The following OXR1 variants were observed in gnomAD, a reference collection of about 807,000 sequenced individuals.
OXR1 encodes oxidation resistance protein 1.
Under a neutral mutation model 104.6 loss-of-function variants are expected in OXR1, and 41 were observed. That is an observed-to-expected ratio of 0.39 (90% CI 0.31 to 0.51). The LOEUF (loss-of-function observed/expected upper bound fraction) is 0.51. Among genes scored for constraint, OXR1 ranks in the 20% least tolerant of loss-of-function variants. The pLI, the probability that OXR1 is intolerant of heterozygous loss-of-function variation, is 0.77. For synonymous variants in OXR1, 348 were observed against 348.4 expected, an observed-to-expected ratio of 1.00 and a Z score of 0.01; for missense variants, 955 against 1,031.9, an observed-to-expected ratio of 0.93 and a Z score of 1.02.
intron 2 of OXR1, among the ~76,000 whole-genome samples, chr8:106,505,155 T>G (rs1812074599): frequency 6.6e-6 from 1 of 152,190 alleles, no homozygotes; most frequent in Non-Finnish European, 1.5e-5. Flanking sequence ...CAGAGAAATA[T>G]GACAGTAATT....
At chr8:106,491,856 C>T (rs762006348) in intron 2 of OXR1, among the ~76,000 whole-genome samples, 3 of 152,096 alleles carry the variant, frequency 2.0e-5, no homozygotes, top group Non-Finnish European at 4.4e-5. Context: ...CAATGCTTAA[C>T]ACATGCTAAG....
intron 6 of OXR1, among the ~76,000 whole-genome samples, chr8:106,687,313 GT>G (rs2131263954): frequency 6.6e-6 from 1 of 152,176 alleles, no homozygotes; most frequent in South Asian, 2.1e-4. Flanking sequence ...TTAGGTATCT[GT>G]TTCTCCCCCT....
intron 2 of OXR1, among the ~76,000 whole-genome samples, chr8:106,513,487 G>A (rs1342015322): frequency 6.6e-6 from 1 of 152,052 alleles, no homozygotes; most frequent in Non-Finnish European, 1.5e-5. Context: ...GGGGATTGTC[G>A]TGAAAGAAAT....
At chr8:106,361,667 T>G (rs1245608249) in intron 2 of OXR1, among the ~76,000 whole-genome samples, 4 of 152,208 alleles carry the variant, frequency 2.6e-5, no homozygotes, top group African/African-American at 9.6e-5. Context: ...ATTTTTATTT[T>G]GGGGATTATT....
chr8:106,351,043 A>G (rs934563759), intron 1 of OXR1, among the ~76,000 whole-genome samples: 1 of 152,210 alleles, frequency 6.6e-6, no homozygotes, highest in East Asian at 1.9e-4. Context: ...AAGTATAGAC[A>G]TTTTAGGAGT....
chr8:106,508,554 A>G (rs1812319554), intron 2 of OXR1, among the ~76,000 whole-genome samples: 2 of 152,226 alleles, frequency 1.3e-5, no homozygotes, highest in Non-Finnish European at 2.9e-5. Context: ...TTCAAAAGAA[A>G]TCATTTCAAT....
intron 3 of OXR1, among the ~76,000 whole-genome samples, chr8:106,653,744 G>A (rs983050139): frequency 6.6e-6 from 1 of 151,716 alleles, no homozygotes; most frequent in South Asian, 2.1e-4. Flanking sequence ...TTCTAACCAG[G>A]GCAATTAGGC....
chr8:106,574,110 T>C (rs1220641102), intron 3 of OXR1, among the ~76,000 whole-genome samples: 3 of 152,168 alleles, frequency 2.0e-5, no homozygotes, highest in African/African-American at 7.2e-5. Flanking sequence ...GGGTAATTAA[T>C]GGTAACTTAA....
At chr8:106,639,931 A>G (rs1823489569) in intron 3 of OXR1, among the ~76,000 whole-genome samples, 1 of 152,144 alleles carries the variant, frequency 6.6e-6, no homozygotes, top group Non-Finnish European at 1.5e-5. Context: ...TGGTAAGGTA[A>G]GTATAATCAA....
intron 2 of OXR1, among the ~76,000 whole-genome samples, chr8:106,499,325 G>A (rs1345538104): frequency 1.3e-5 from 2 of 152,082 alleles, no homozygotes; most frequent in African/African-American, 4.8e-5. Context: ...TATGAAAAAT[G>A]TTATTTCTAG....
chr8:106,562,792 C>G (rs1816779182), intron 3 of OXR1, among the ~76,000 whole-genome samples: 1 of 152,112 alleles, frequency 6.6e-6, no homozygotes, highest in African/African-American at 2.4e-5. Flanking sequence ...CCCTACAAAC[C>G]AGAAGAGAGT....
chr8:106,382,391 C>T (rs1453364977), intron 2 of OXR1, among the ~76,000 whole-genome samples: 1 of 152,160 alleles, frequency 6.6e-6, no homozygotes, highest in Non-Finnish European at 1.5e-5. Context: ...GTTCTCATGG[C>T]TGATTTCTTC....
At chr8:106,353,723 G>A (rs75656297) in intron 1 of OXR1, among the ~76,000 whole-genome samples, 72 of 152,150 alleles carry the variant, frequency 4.7e-4, no homozygotes, top group African/African-American at 1.7e-3. Flanking sequence ...CCTCACTAAT[G>A]TATCATTTTT....
At chr8:106,547,518 G>C (rs1437380226) in intron 3 of OXR1, among the ~76,000 whole-genome samples, 5 of 125,844 alleles carry the variant, frequency 4.0e-5, no homozygotes, top group Non-Finnish European at 7.9e-5. Flanking sequence ...TTTTGAGACA[G>C]AGTGAAACTC....
chr8:106,523,962 G>C (rs1213331063), intron 3 of OXR1, among the ~76,000 whole-genome samples: 2 of 151,948 alleles, frequency 1.3e-5, no homozygotes, highest in Non-Finnish European at 2.9e-5. Flanking sequence ...TTTTTTAGTA[G>C]AGACGGGGTT....
chr8:106,737,677 TC>T, intron 12 of OXR1, 77 bp downstream of exon 12: 1 of 507,414 alleles, frequency 2.0e-6, no homozygotes, highest in Admixed American at 4.1e-5. Flanking sequence ...ATGGCAAATC[TC>T]ATTTGAAGAA....
intron 3 of OXR1, among the ~76,000 whole-genome samples, chr8:106,633,418 T>C (rs968705251): frequency 1.2e-4 from 18 of 152,238 alleles, no homozygotes; most frequent in African/African-American, 4.3e-4. Context: ...ATTATTTTAC[T>C]TTGGTCTTAG....
At chr8:106,657,207 G>A (rs936092850) in intron 3 of OXR1, among the ~76,000 whole-genome samples, 1 of 151,902 alleles carries the variant, frequency 6.6e-6, no homozygotes, top group Non-Finnish European at 1.5e-5. Context: ...ATCATAGAAT[G>A]TCCAACACTA....
chr8:106,435,206 G>A (rs1217880459), intron 2 of OXR1, among the ~76,000 whole-genome samples: 1 of 152,170 alleles, frequency 6.6e-6, no homozygotes, highest in Non-Finnish European at 1.5e-5. Flanking sequence ...CGTGGCTGAG[G>A]AAGTGAGGGA....
Sources: allele counts gnomAD v4.1 joint callset (sites outside exome capture counted in the v4.1 genomes callset), GRCh38; gene constraint gnomAD v4.1.1; transcripts MANE v1.5; gene names NCBI Gene and HGNC (gene_info 2026-07-23, HGNC 2026-07-21).